Variants in CHL1 observed in about 807,000 individuals in gnomAD.
The protein encoded by CHL1 is neural cell adhesion molecule L1-like protein.
A neutral mutation model predicts 141.9 loss-of-function variants in CHL1; 96 were observed. That is an observed-to-expected ratio of 0.68 (90% CI 0.57 to 0.80). CHL1 has a LOEUF of 0.80. CHL1 is among the 30% of genes least tolerant of loss of function. The pLI is 0.00. For missense variants in CHL1, 1,820 were observed against 1,457.2 expected (o/e 1.25, Z -4.05); for synonymous variants, 613 against 502.2 (o/e 1.22, Z -2.95).
intron 2 of CHL1, among the ~76,000 whole-genome samples, chr3:304,088 G>T (rs1291572348): frequency 6.6e-6 from 1 of 152,154 alleles, no homozygotes; most frequent in African/African-American, 2.4e-5. Flanking sequence ...CTTCGTACCT[G>T]GTGGTAAGCT....
chr3:246,038 A>T (rs1408036875), intron 2 of CHL1, among the ~76,000 whole-genome samples: 1 of 152,142 alleles, frequency 6.6e-6, no homozygotes, highest in African/African-American at 2.4e-5. Flanking sequence ...ACTCTTCCCA[A>T]AACCTGATTA....
At chr3:239,533 A>G (rs1048712336) in intron 1 of CHL1, among the ~76,000 whole-genome samples, 29 of 151,534 alleles carry the variant, frequency 1.9e-4, no homozygotes, top group African/African-American at 6.8e-4. Context: ...GAATACTACT[A>G]TTAATTGATA....
rs777150868 is a variant in CHL1 at position 340,830 on chromosome 3, T to C, written c.422T>C (p.Leu141Pro). 4.3e-6 allele frequency: 7 copies of C among 1,612,124 alleles called. No individual in the cohort carries two copies. The highest frequency in any genetic ancestry group is 4.5e-5 in the East Asian group (2 of 44,856). ...TTCCCAAAAGAAAAAATTGACCCTC[T>C]TGAAGTGGAGGAGGGAGATCCAATT... ...PKFPKEKIDPLEVEEGDPIVL... is the reference protein window; with the variant it reads ...PKFPKEKIDPPEVEEGDPIVL... The change falls in exon 6 of 28, where the codon CTT becomes CCT. Residue 141 changes from leucine to proline, a missense_variant. By Grantham distance (98) the Leu-to-Pro change is moderately conservative. Coordinates refer to ENST00000256509, the MANE Select transcript of CHL1 (RefSeq NM_006614.4).
At chr3:224,114 AG>A (rs1701112496) in intron 1 of CHL1, among the ~76,000 whole-genome samples, 1 of 152,200 alleles carries the variant, frequency 6.6e-6, no homozygotes, top group Admixed American at 6.5e-5. Flanking sequence ...AATAGAGTTC[AG>A]GCCCCTCCCA....
chr3:344,614 C>A lies in CHL1; in HGVS notation c.753C>A (p.Pro251=). The change falls in exon 9 of 28, where the codon CCC becomes CCA. Residue 251 remains proline (P), a synonymous_variant. Coordinates refer to ENST00000256509, the MANE Select transcript of CHL1 (RefSeq NM_006614.4). The part of the protein sequence containing the change: ...SKANSIKQRK[P]KLLLPPTESG... The stretch of plus-strand genomic sequence containing the variant: ...CAAATTCCATCAAGCAAAGAAAACC[C>A]AAACTGCTGTTGCCTCCCACTGAGA... 6.2e-7 allele frequency: 1 copy of A among 1,611,566 alleles called. No homozygotes were observed. The highest frequency in any genetic ancestry group is 8.5e-7 in the Non-Finnish European group (1 of 1,178,884).
intron 11 of CHL1, among the ~76,000 whole-genome samples, chr3:358,262 C>T (rs1231861599): frequency 6.6e-6 from 1 of 152,106 alleles, no homozygotes; most frequent in Non-Finnish European, 1.5e-5. Flanking sequence ...TCCTGGCTCC[C>T]TTCCGCCATT....
intron 7 of CHL1, among the ~76,000 whole-genome samples, chr3:342,561 T>C (rs1189299731): frequency 6.6e-6 from 1 of 152,092 alleles, no homozygotes; most frequent in Non-Finnish European, 1.5e-5. Flanking sequence ...GGAAGAGTAA[T>C]TAGAGGGAGG....
At chr3:264,838 T>A (rs1019763408) in intron 2 of CHL1, among the ~76,000 whole-genome samples, 2 of 152,242 alleles carry the variant, frequency 1.3e-5, no homozygotes, top group African/African-American at 4.8e-5. Flanking sequence ...ATTAGACATC[T>A]ACAACACTGT....
chr3:288,793 T>G (rs11920128), intron 2 of CHL1, among the ~76,000 whole-genome samples: 5 of 152,232 alleles, frequency 3.3e-5, no homozygotes, highest in Non-Finnish European at 5.9e-5. Context: ...TAACACCATC[T>G]TTATATAGTG....
At chr3:198,955 G>A (rs958578455) in intron 1 of CHL1, among the ~76,000 whole-genome samples, 6 of 152,330 alleles carry the variant, frequency 3.9e-5, no homozygotes, top group African/African-American at 1.4e-4. Flanking sequence ...GCTCTTTGGG[G>A]AAACTTTTGG....
intron 1 of CHL1, among the ~76,000 whole-genome samples, chr3:242,373 G>C (rs1362521588): frequency 6.9e-6 from 1 of 144,362 alleles, no homozygotes; most frequent in Admixed American, 7.0e-5. Context: ...GAGGGGGGCA[G>C]ATCACGAGGT....
chr3:322,924 T>C (rs184607836), intron 3 of CHL1, among the ~76,000 whole-genome samples: 2 of 151,714 alleles, frequency 1.3e-5, no homozygotes, highest in African/African-American at 2.4e-5. Context: ...TTGCTTATGA[T>C]TATAATTGTT....
intron 15 of CHL1, chr3:374,032 TC>T (rs1705988189): frequency 6.6e-6 from 1 of 152,108 alleles, no homozygotes; most frequent in South Asian, 2.1e-4. Flanking sequence ...TGTTTCTAGT[TC>T]GCTATCTTGG....
intron 1 of CHL1, among the ~76,000 whole-genome samples, chr3:202,249 G>A (rs1699019839): frequency 6.6e-6 from 1 of 152,114 alleles, no homozygotes; most frequent in Non-Finnish European, 1.5e-5. Context: ...GTTTTTTATT[G>A]TAGTGATAAT....
intron 1 of CHL1, among the ~76,000 whole-genome samples, chr3:212,621 C>T (rs1285668554): frequency 6.6e-6 from 1 of 152,208 alleles, no homozygotes; most frequent in Non-Finnish European, 1.5e-5. Flanking sequence ...GAAAATTTCC[C>T]CTGGCTCCCT....
chr3:338,297 A>G (rs1203912629), intron 5 of CHL1, among the ~76,000 whole-genome samples: 1 of 152,202 alleles, frequency 6.6e-6, no homozygotes, highest in Non-Finnish European at 1.5e-5. Context: ...GGCAAGATAA[A>G]GGAGTGTAAT....
At chr3:367,266 T>C (rs2125301989) in intron 15 of CHL1, among the ~76,000 whole-genome samples, 1 of 152,364 alleles carries the variant, frequency 6.6e-6, no homozygotes, top group South Asian at 2.1e-4. Flanking sequence ...CTCTCATTAA[T>C]TTTGTAATTT....
At chr3:331,975 G>A (rs1701477606) in intron 5 of CHL1, among the ~76,000 whole-genome samples, 1 of 152,230 alleles carries the variant, frequency 6.6e-6, no homozygotes, top group African/African-American at 2.4e-5. Context: ...ATCCACTACT[G>A]ATGACAGTCC....
chr3:325,368 A>T (rs1700923697), intron 3 of CHL1, among the ~76,000 whole-genome samples: 1 of 151,988 alleles, frequency 6.6e-6, no homozygotes, highest in Admixed American at 6.6e-5. Flanking sequence ...ACTTGTGTCC[A>T]TGCCTGGAAA....
Sources: gnomAD v4.1 joint callset for allele counts (sites outside exome capture counted in the v4.1 genomes callset) on GRCh38, gnomAD v4.1.1 for gene constraint, MANE v1.5 for transcripts, NCBI Gene and HGNC (gene_info 2026-07-23, HGNC 2026-07-21) for gene names.